The following VPS53 variants were observed in gnomAD, a reference collection of about 807,000 sequenced individuals.
The protein encoded by VPS53 is VPS53 subunit of GARP complex, also known as vacuolar protein sorting-associated protein 53 homolog.
In VPS53, 70 loss-of-function variants were observed where a neutral mutation model predicts 107.0. The observed-to-expected ratio is 0.65, with a 90% CI of 0.54 to 0.80. VPS53 has a LOEUF of 0.80. Among genes scored for constraint, VPS53 ranks in the 30% least tolerant of loss-of-function variants. The pLI, the probability that VPS53 is intolerant of heterozygous loss-of-function variation, is 0.00. For missense variants in VPS53, 917 were observed against 1,049.4 expected (o/e 0.87, Z 1.74); for synonymous variants, 409 against 393.3 (o/e 1.04, Z -0.47).
chr17:635,864 T>G (rs964820738), intron 7 of VPS53, among the ~76,000 whole-genome samples: 1 of 152,232 alleles, frequency 6.6e-6, no homozygotes, highest in African/African-American at 2.4e-5. Context: ...GGCTTAAGAT[T>G]GTCTTGGCAA....
chr17:662,809 A>AG (rs1567719890), intron 4 of VPS53, among the ~76,000 whole-genome samples: 214 of 144,850 alleles, frequency 1.5e-3, no homozygotes, highest in Middle Eastern at 3.6e-3. Flanking sequence ...AAGAAAGAAA[A>AG]AAAGAAAGAA....
rs139059755 is a variant in VPS53, at chr17:674,089, C to A, written c.286-12194G>T. On this transcript the variant is annotated intron_variant, in intron 4 of 21. Coordinates refer to ENST00000437048, the MANE Select transcript of VPS53 (RefSeq NM_001128159.3). ...TGCAGCTTCCTTTGACGAAAGGTAA[C>A]CCCGGAGGATGAGAGCATTTCAAGC... 4 of 152,274 alleles carry A rather than the reference C, an allele frequency of 2.6e-5. No homozygotes were observed. In the East Asian group the frequency reaches 5.8e-4, roughly 22 times the overall value. 9.4% of individuals were successfully genotyped at this position (152,274 alleles called of 1,614,324 possible). A position where few individuals can be genotyped will look rare whatever the true frequency, so the allele number is the denominator to read the frequency against.
At chr17:594,527 G>A (rs924429963) in intron 12 of VPS53, among the ~76,000 whole-genome samples, 2 of 150,500 alleles carry the variant, frequency 1.3e-5, no homozygotes, top group African/African-American at 4.9e-5. Flanking sequence ...ATGCACTCTA[G>A]TGTCCCCCCT....
chr17:511,314 A>C lies in VPS53; in HGVS notation c.*7814T>G, dbSNP rs1907928560. 6.6e-6 allele frequency: 1 copy of C among 152,194 alleles called. No homozygotes were observed. 9.4% of individuals were successfully genotyped at this position (152,194 alleles called of 1,614,324 possible). ...CCTGAAAGCTGCAGCCCACACTGCA[A>C]ATACTTTTCTTGGCCCTGGAAGTAG... On this transcript the variant is annotated 3_prime_UTR_variant, in exon 22 of 22. Coordinates refer to ENST00000437048, the MANE Select transcript of VPS53 (RefSeq NM_001128159.3).
chr17:606,138 C>T (rs984619372), intron 11 of VPS53, among the ~76,000 whole-genome samples: 11 of 151,972 alleles, frequency 7.2e-5, no homozygotes, highest in African/African-American at 2.4e-4. Context: ...GGATTTGGGG[C>T]ACAGTTAGGA....
At chr17:606,464 C>G (rs1435584771) in intron 11 of VPS53, among the ~76,000 whole-genome samples, 1 of 152,056 alleles carries the variant, frequency 6.6e-6, no homozygotes, top group Non-Finnish European at 1.5e-5. Flanking sequence ...GCGTGAGCTA[C>G]ACAGTTACGT....
rs74251923 is a variant in VPS53, at chr17:604,735, T to C, written c.1117-2839A>G. ...CTAGAATTACAGGCGTGAGCCACCA[T>C]GCCCGTCCTCTATTAACATGAGGGG... On this transcript the variant is annotated intron_variant, in intron 11 of 21. Transcript: ENST00000437048. 2.1e-3 allele frequency among the ~76,000 whole-genome samples: 318 copies of C among 152,338 alleles called. 9 individuals carry two copies. In the East Asian group the frequency reaches 0.055, roughly 27 times the overall value.
chr17:521,554 A>G, intron 20 of VPS53, 47 bp downstream of exon 20: 6 of 1,487,200 alleles, frequency 4.0e-6, no homozygotes, highest in Non-Finnish European at 5.4e-6. Flanking sequence ...GCTTCTCAGA[A>G]AAAGAGATTA....
intron 8 of VPS53, 72 bp from the exon 9 acceptor site, chr17:628,303 T>C (rs1969804382): frequency 6.4e-7 from 1 of 1,551,548 alleles, no homozygotes; most frequent in African/African-American, 1.4e-5. Flanking sequence ...TCACAGCCAC[T>C]ACTTGTTATC....
At chr17:571,076 T>C (rs1009324463) in intron 13 of VPS53, among the ~76,000 whole-genome samples, 5 of 152,052 alleles carry the variant, frequency 3.3e-5, no homozygotes, top group African/African-American at 1.2e-4. Flanking sequence ...CTCAACACTT[T>C]GGGAGGCCAG....
chr17:572,138 G>A (rs1454816344), intron 13 of VPS53, among the ~76,000 whole-genome samples: 4 of 151,402 alleles, frequency 2.6e-5, no homozygotes, highest in African/African-American at 9.7e-5. Context: ...AGGAAGTGAG[G>A]AGCGTCTCTG....
In VPS53 at chr17:522,636, T is replaced by C. The variant is rs192553836; in HGVS notation, c.2086-898A>G. 1.8e-3 allele frequency among the ~76,000 whole-genome samples: 280 copies of C among 152,382 alleles called. 1 individual carries two copies. The highest frequency in any genetic ancestry group is 2.4e-3 in the Admixed American group (36 of 15,308). On this transcript the variant is annotated intron_variant, in intron 19 of 21. Coordinates refer to ENST00000437048, the MANE Select transcript of VPS53 (RefSeq NM_001128159.3). ...TTAGGCAAAAAATAGTAACTCATTATTGTTTTACTTTGAATTTCTCTGGAT... is the reference window on the plus strand; with the variant it reads ...TTAGGCAAAAAATAGTAACTCATTACTGTTTTACTTTGAATTTCTCTGGAT...
rs527312669 is a variant in VPS53, at chr17:579,280, C to T, written c.1313+6990G>A. On this transcript the variant is annotated intron_variant, in intron 13 of 21. Transcript: ENST00000437048. Reference sequence around the variant, plus strand: ...CAGAACCTAATGTATTCCTAGAGAACTTCCCTCAGAACCTAATGCGTTCCC... The same window carrying T: ...CAGAACCTAATGTATTCCTAGAGAATTTCCCTCAGAACCTAATGCGTTCCC... Among the ~76,000 whole-genome samples the T allele has an allele frequency of 2.3e-4, 33 of 144,784 alleles. 4 individuals are homozygous for T. Among genetic ancestry groups the T allele is most frequent in the Non-Finnish European group, 3.7e-4 (24 of 65,412 alleles). The allele number at this position is 144,784 out of a possible 152,430, so 95.0% of individuals were successfully genotyped here.
chr17:673,941 A>T (rs1972059883), intron 4 of VPS53: 3 of 152,244 alleles, frequency 2.0e-5, no homozygotes, highest in Non-Finnish European at 4.4e-5. Flanking sequence ...AGGCTCGGAA[A>T]CAAATTCAGC....
chr17:635,621 C>T (rs568545264), intron 7 of VPS53, among the ~76,000 whole-genome samples: 7,646 of 152,182 alleles, frequency 0.05, 632 homozygotes, highest in African/African-American at 0.17. Flanking sequence ...GTATGGCTAG[C>T]CAGTTTTCCC....
intron 13 of VPS53, among the ~76,000 whole-genome samples, chr17:577,668 A>G (rs928591304): frequency 1.2e-4 from 18 of 151,368 alleles, no homozygotes; most frequent in African/African-American, 4.4e-4. Context: ...TTTCGAGGCA[A>G]CCTCCCTCAG....
At chr17:691,528 TCAG>T (rs1972774816) in intron 4 of VPS53, among the ~76,000 whole-genome samples, 1 of 152,238 alleles carries the variant, frequency 6.6e-6, no homozygotes, top group Non-Finnish European at 1.5e-5. Context: ...CCCCTCCTTA[TCAG>T]CAGTTCACTT....
intron 4 of VPS53, among the ~76,000 whole-genome samples, chr17:670,154 G>A (rs974125473): frequency 3.3e-5 from 5 of 152,106 alleles, no homozygotes; most frequent in Non-Finnish European, 5.9e-5. Context: ...ATAAAGCGGC[G>A]ACTGTGTTTA....
At chr17:598,129 A>C (rs1307894698) in intron 12 of VPS53, among the ~76,000 whole-genome samples, 1 of 151,588 alleles carries the variant, frequency 6.6e-6, no homozygotes, top group African/African-American at 2.4e-5. Context: ...GCGCCGCCAC[A>C]CCTGACTGGT....
Sources: gnomAD v4.1 joint callset for allele counts (sites outside exome capture counted in the v4.1 genomes callset) on GRCh38, gnomAD v4.1.1 for gene constraint, MANE v1.5 for transcripts, NCBI Gene and HGNC (gene_info 2026-07-23, HGNC 2026-07-21) for gene names.